The following CFAP61 variants were observed in gnomAD, a reference collection of about 807,000 sequenced individuals.
CFAP61 encodes cilia and flagella associated protein 61.
Under a neutral mutation model 135.6 loss-of-function variants are expected in CFAP61, and 107 were observed. The ratio of observed to expected loss-of-function variants is 0.79; its 90% CI spans 0.67 to 0.93. CFAP61 has a LOEUF of 0.93. Ranked by LOEUF, CFAP61 falls within the 40% of genes least tolerant of loss-of-function variation. The probability of loss-of-function intolerance (pLI) is 0.00; values close to 1 mark genes in which losing one functional copy is unlikely to be tolerated. For synonymous variants in CFAP61, 575 were observed against 578.5 expected (o/e 0.99, Z 0.09); for missense variants, 1,507 against 1,556.2 (o/e 0.97, Z 0.53).
At chr20:20,166,802 G>A (rs1281097903) in intron 12 of CFAP61, among the ~76,000 whole-genome samples, 2 of 152,134 alleles carry the variant, frequency 1.3e-5, no homozygotes, top group African/African-American at 4.8e-5. Flanking sequence ...GCTTTTCTGA[G>A]GGTAGCAAAG....
chr20:20,360,514 C>A lies in CFAP61; in HGVS notation c.*104C>A. 1 of 1,053,576 alleles carries A rather than the reference C, an allele frequency of 9.5e-7. No homozygotes were observed. The highest frequency in any genetic ancestry group is 1.4e-6 in the Non-Finnish European group (1 of 710,042). The allele number at this position is 1,053,576 out of a possible 1,614,324, so 65.3% of individuals were successfully genotyped here. On this transcript the variant is annotated 3_prime_UTR_variant, in exon 27 of 27. Transcript: ENST00000245957. Reference sequence around the variant, plus strand: ...CTGCAGCCTGGTTTGACAGCGAAGCCAGCCCCTGGTGGTTTTGTTCATTCC... The same window carrying A: ...CTGCAGCCTGGTTTGACAGCGAAGCAAGCCCCTGGTGGTTTTGTTCATTCC...
At chr20:20,119,393 T>C (rs926989902) in intron 8 of CFAP61, among the ~76,000 whole-genome samples, 2 of 152,180 alleles carry the variant, frequency 1.3e-5, no homozygotes, top group African/African-American at 4.8e-5. Flanking sequence ...TTTTCCAATT[T>C]GTTGGTGTGT....
Position 20,274,550 on chromosome 20 carries a change from A to C in CFAP61, c.2504-2616A>C, listed in dbSNP as rs139202235. Among the ~76,000 whole-genome samples the C allele has an allele frequency of 5.7e-3, 862 of 152,166 alleles. 11 individuals are homozygous for C. Among genetic ancestry groups the C allele is most frequent in the African/African-American group, 0.019 (787 of 41,504 alleles). On this transcript the variant is annotated intron_variant, in intron 21 of 26. Coordinates refer to ENST00000245957, the MANE Select transcript of CFAP61 (RefSeq NM_015585.4). ...GTGGTGCGGGCCTGTAATTCCAGCT[A>C]CTCAGGAGGCTGAGGTGGGAGAATG...
chr20:20,135,512 T>A (rs111710485), intron 8 of CFAP61, among the ~76,000 whole-genome samples: 2,441 of 152,278 alleles, frequency 0.016, 72 homozygotes, highest in African/African-American at 0.056. Context: ...TTGCTTTTTG[T>A]TTTTTTGTGT....
rs142059549 is a variant in CFAP61 at position 20,166,126 on chromosome 20, G to A, written c.1206-271G>A. ...TCTTCCAAAACAGAAGGGAAGGATCGGAGGCACAGAATGACCAATTTTGTG... is the reference window on the plus strand; with the variant it reads ...TCTTCCAAAACAGAAGGGAAGGATCAGAGGCACAGAATGACCAATTTTGTG... On this transcript the variant is annotated intron_variant, in intron 11 of 26. Transcript: ENST00000245957. Among the ~76,000 whole-genome samples the A allele has an allele frequency of 2.5e-3, 381 of 152,286 alleles. 1 individual carries two copies. The highest frequency in any genetic ancestry group is 6.8e-3 in the Middle Eastern group (2 of 294).
chr20:20,279,078 AC>A (rs1346980776), intron 22 of CFAP61, among the ~76,000 whole-genome samples: 2 of 152,194 alleles, frequency 1.3e-5, no homozygotes, highest in African/African-American at 2.4e-5. Context: ...ATTCTGGAGC[AC>A]CTCTAGAGGT....
At chr20:20,279,534 G>A (rs1005304639) in intron 22 of CFAP61, among the ~76,000 whole-genome samples, 3 of 152,076 alleles carry the variant, frequency 2.0e-5, no homozygotes, top group African/African-American at 7.2e-5. Flanking sequence ...CGTCCTCATT[G>A]TCTTCACGTT....
chr20:20,312,548 C>T (rs932779287), intron 25 of CFAP61, among the ~76,000 whole-genome samples: 3 of 152,074 alleles, frequency 2.0e-5, no homozygotes, highest in Non-Finnish European at 2.9e-5. Flanking sequence ...AAAGAAATAA[C>T]GACCAAAATT....
At chr20:20,073,760 T>A (rs906704645) in intron 3 of CFAP61, 2 of 152,246 alleles carry the variant, frequency 1.3e-5, no homozygotes, top group African/African-American at 4.8e-5. Flanking sequence ...AGCTCCCAGG[T>A]TTTTTGGATC....
At chr20:20,350,874 A>C (rs1309125447) in intron 26 of CFAP61, among the ~76,000 whole-genome samples, 1 of 152,260 alleles carries the variant, frequency 6.6e-6, no homozygotes, top group African/African-American at 2.4e-5. Context: ...TAGAAGGCAG[A>C]GAAAGCATTT....
chr20:20,317,552 G>T (rs527700472), intron 25 of CFAP61, among the ~76,000 whole-genome samples: 3 of 152,168 alleles, frequency 2.0e-5, no homozygotes, highest in African/African-American at 7.2e-5. Flanking sequence ...GTTGTGTTTT[G>T]TGACTTATTG....
chr20:20,099,220 T>C (rs1326556280), intron 8 of CFAP61, among the ~76,000 whole-genome samples: 2 of 152,206 alleles, frequency 1.3e-5, no homozygotes, highest in African/African-American at 4.8e-5. Context: ...TTTTAAGTTT[T>C]AATCCCAACT....
intron 13 of CFAP61, among the ~76,000 whole-genome samples, chr20:20,171,104 C>T (rs967634965): frequency 2.0e-5 from 3 of 152,164 alleles, no homozygotes; most frequent in Middle Eastern, 3.2e-3. Flanking sequence ...GCTTACAGAG[C>T]CAACTCATGA....
intron 8 of CFAP61, among the ~76,000 whole-genome samples, chr20:20,131,753 A>G (rs913803753): frequency 4.6e-5 from 7 of 152,024 alleles, no homozygotes; most frequent in South Asian, 4.1e-4. Flanking sequence ...CCATACTAAT[A>G]TAAGTATTTA....
chr20:20,356,074 T>G (rs2059133867), intron 26 of CFAP61, among the ~76,000 whole-genome samples: 1 of 121,976 alleles, frequency 8.2e-6, no homozygotes, highest in African/African-American at 3.2e-5. Context: ...GTAGTGACAC[T>G]GTGAGCAGAG....
chr20:20,249,775 G>C (rs970942341), intron 19 of CFAP61, among the ~76,000 whole-genome samples: 1 of 152,166 alleles, frequency 6.6e-6, no homozygotes, highest in African/African-American at 2.4e-5. Flanking sequence ...TTTCCCCTGA[G>C]AGCCTTTATC....
At chr20:20,240,670 T>G (rs2049956154) in intron 18 of CFAP61, among the ~76,000 whole-genome samples, 1 of 152,158 alleles carries the variant, frequency 6.6e-6, no homozygotes, top group Non-Finnish European at 1.5e-5. Context: ...GACTTCTAAT[T>G]GCCTCCCAGT....
chr20:20,069,861 A>G (rs1291089406), intron 2 of CFAP61: 3 of 413,652 alleles, frequency 7.3e-6, no homozygotes, highest in African/African-American at 2.0e-5. Flanking sequence ...TCCTCCAGTT[A>G]CATGCTTGCT....
chr20:20,151,472 A>G (rs561131231), intron 9 of CFAP61, among the ~76,000 whole-genome samples: 5 of 152,164 alleles, frequency 3.3e-5, no homozygotes, highest in Non-Finnish European at 5.9e-5. Flanking sequence ...GAAAACATAT[A>G]TGAGGGAATA....
Sources: gnomAD v4.1 joint callset for allele counts (sites outside exome capture counted in the v4.1 genomes callset) on GRCh38, gnomAD v4.1.1 for gene constraint, MANE v1.5 for transcripts, NCBI Gene and HGNC (gene_info 2026-07-23, HGNC 2026-07-21) for gene names.